The following SSU72L4 variants were observed in gnomAD, a reference collection of about 807,000 sequenced individuals.
SSU72L4 encodes SSU72 like 4, also known as RNA polymerase II subunit A C-terminal domain phosphatase SSU72 like protein 4.
At chr11:4,287,945 G>A in the SSU72L4 span, 1 of 310,470 alleles carries the variant, frequency 3.2e-6, no homozygotes. Context: ...TTGGGTCTTG[G>A]TCCTGGTAGC....
chr11:4,287,168 A>G, the SSU72L4 span, among the ~76,000 whole-genome samples: 1 of 136,450 alleles, frequency 7.3e-6, no homozygotes, highest in African/African-American at 2.7e-5. Flanking sequence ...TCATTTTTCC[A>G]GCAGTCCATT....
chr11:4,287,092 A>T, the SSU72L4 span, among the ~76,000 whole-genome samples: 1 of 149,984 alleles, frequency 6.7e-6, no homozygotes, highest in East Asian at 2.0e-4. Context: ...AATTGAGAAA[A>T]GGAAGTTTAT....
chr11:4,287,096 A>C, the SSU72L4 span, among the ~76,000 whole-genome samples: 35 of 149,602 alleles, frequency 2.3e-4, no homozygotes, highest in Admixed American at 2.3e-3. Context: ...GAGAAAAGGA[A>C]GTTTATTTAA....
At chr11:4,287,696 TC>T in the SSU72L4 span, 1 of 558,632 alleles carries the variant, frequency 1.8e-6, no homozygotes, top group Non-Finnish European at 3.1e-6. Context: ...GGCTGAAAGG[TC>T]TGCTGTTCTC....
At chr11:4,287,092 A>G in the SSU72L4 span, among the ~76,000 whole-genome samples, 2 of 149,984 alleles carry the variant, frequency 1.3e-5, no homozygotes, top group Admixed American at 6.7e-5. Flanking sequence ...AATTGAGAAA[A>G]GGAAGTTTAT....
the SSU72L4 span, among the ~76,000 whole-genome samples, chr11:4,287,166 C>T: frequency 0.12 from 16,302 of 134,238 alleles, 550 homozygotes; most frequent in South Asian, 0.18. Flanking sequence ...AATCATTTTT[C>T]CAGCAGTCCA....
the SSU72L4 span, among the ~76,000 whole-genome samples, chr11:4,287,209 C>A: frequency 6.6e-5 from 8 of 120,626 alleles, no homozygotes; most frequent in African/African-American, 2.4e-4. Context: ...TGGAAAATGG[C>A]GTCATGGTGG....
Sources: gnomAD v4.1 joint callset for allele counts (sites outside exome capture counted in the v4.1 genomes callset) on GRCh38, gnomAD v4.1.1 for gene constraint, MANE v1.5 for transcripts, NCBI Gene and HGNC (gene_info 2026-07-23, HGNC 2026-07-21) for gene names.